Variants in KLHDC1 observed in about 807,000 individuals in gnomAD.
KLHDC1 encodes kelch domain-containing protein 1.
KLHDC1 carries 53 observed loss-of-function variants against 68.3 expected under a neutral mutation model. The ratio of observed to expected loss-of-function variants is 0.78; its 90% CI spans 0.62 to 0.98. The LOEUF is 0.98. Among genes scored for constraint, KLHDC1 ranks in the 50% least tolerant of loss-of-function variants. The pLI, the probability that KLHDC1 is intolerant of heterozygous loss-of-function variation, is 0.00. For missense variants in KLHDC1, 470 were observed against 492.3 expected (o/e 0.95, Z 0.43); for synonymous variants, 148 against 159.0 (o/e 0.93, Z 0.52).
chr14:49,739,693 G>T (rs1479147687), intron 10 of KLHDC1, among the ~76,000 whole-genome samples: 1 of 152,170 alleles, frequency 6.6e-6, no homozygotes, highest in Non-Finnish European at 1.5e-5. Context: ...TTATTTCACT[G>T]CAGGGATAAT....
chr14:49,732,663 AT>A (rs1888840573), intron 8 of KLHDC1, 40 bp from the exon 9 acceptor site: 2 of 1,021,202 alleles, frequency 2.0e-6, no homozygotes, highest in African/African-American at 3.3e-5. Context: ...TTTTATTTTG[AT>A]TAATATAGTA....
chr14:49,750,576 A>G (rs888776128), intron 12 of KLHDC1, among the ~76,000 whole-genome samples: 1 of 152,228 alleles, frequency 6.6e-6, no homozygotes, highest in African/African-American at 2.4e-5. Context: ...TCTAGAGTAT[A>G]AGTGCTTGTA....
chr14:49,752,536 T>G lies in KLHDC1; in HGVS notation c.*764T>G, dbSNP rs964341071. 2.6e-5 allele frequency: 4 copies of G among 152,540 alleles called. No individual in the cohort carries two copies. The highest frequency in any genetic ancestry group is 5.9e-5 in the Non-Finnish European group (4 of 67,950). The allele number at this position is 152,540 out of a possible 1,614,324, so 9.4% of individuals were successfully genotyped here. A position where few individuals can be genotyped will look rare whatever the true frequency, so the allele number is the denominator to read the frequency against. On this transcript the variant is annotated 3_prime_UTR_variant, in exon 13 of 13. Coordinates refer to ENST00000359332, the MANE Select transcript of KLHDC1 (RefSeq NM_172193.3). ...ATTAACTTTTTGAGACATATTAAAATACATTTTGCCTTAGAAGACTGCTTC... is the reference window on the plus strand; with the variant it reads ...ATTAACTTTTTGAGACATATTAAAAGACATTTTGCCTTAGAAGACTGCTTC...
At chr14:49,734,173 T>A (rs1594676727) in intron 9 of KLHDC1, among the ~76,000 whole-genome samples, 1 of 152,198 alleles carries the variant, frequency 6.6e-6, no homozygotes, top group Admixed American at 6.6e-5. Flanking sequence ...TGTTTCAGTC[T>A]AAGATTTGGT....
At chr14:49,725,580 A>G (rs1888649868) in intron 5 of KLHDC1, 106 bp from the exon 6 acceptor site, 6 of 684,628 alleles carry the variant, frequency 8.8e-6, no homozygotes, top group Non-Finnish European at 1.5e-5. Context: ...ACTTAACTCT[A>G]TTTTTGTAAG....
At chr14:49,738,989 G>C (rs906417261) in intron 10 of KLHDC1, among the ~76,000 whole-genome samples, 4 of 152,190 alleles carry the variant, frequency 2.6e-5, no homozygotes, top group African/African-American at 9.7e-5. Flanking sequence ...CATAATCTTA[G>C]TTAGCTAGTC....
In KLHDC1 at chr14:49,752,465, G is replaced by A. The variant is rs1889339305; in HGVS notation, c.*693G>A. 6.6e-6 allele frequency: 1 copy of A among 152,404 alleles called. No individual in the cohort carries two copies. Among genetic ancestry groups the A allele is most frequent in the Admixed American group, 6.6e-5 (1 of 15,254 alleles). 9.4% of individuals were successfully genotyped at this position (152,404 alleles called of 1,614,324 possible). ...ATGTTTTAAAGTACATAAAGTGGAGGTTTATTTATCATACAGGCTTTGAAA... is the reference window on the plus strand; with the variant it reads ...ATGTTTTAAAGTACATAAAGTGGAGATTTATTTATCATACAGGCTTTGAAA... On this transcript the variant is annotated 3_prime_UTR_variant, in exon 13 of 13. Transcript: ENST00000359332.
chr14:49,728,352 A>C (rs867489844), intron 6 of KLHDC1, among the ~76,000 whole-genome samples: 13 of 152,236 alleles, frequency 8.5e-5, no homozygotes, highest in African/African-American at 3.1e-4. Flanking sequence ...CTCTAAAGAA[A>C]AGGTCTGCTA....
intron 12 of KLHDC1, among the ~76,000 whole-genome samples, chr14:49,748,351 G>A (rs921080372): frequency 6.6e-6 from 1 of 152,126 alleles, no homozygotes; most frequent in Non-Finnish European, 1.5e-5. Context: ...GGAGATGAGG[G>A]AAAATGTGTA....
intron 4 of KLHDC1, among the ~76,000 whole-genome samples, chr14:49,713,099 G>A (rs1047769374): frequency 6.0e-4 from 91 of 151,480 alleles, no homozygotes; most frequent in African/African-American, 1.8e-3. Flanking sequence ...ACGGGCTCCC[G>A]CCACCACACC....
At chr14:49,748,721 G>GTA (rs906034643) in intron 12 of KLHDC1, among the ~76,000 whole-genome samples, 6 of 151,596 alleles carry the variant, frequency 4.0e-5, no homozygotes, top group East Asian at 1.9e-4. Flanking sequence ...ATCGTAGGGG[G>GTA]TATATATATA....
chr14:49,696,075 A>T (rs1468520450), intron 1 of KLHDC1, among the ~76,000 whole-genome samples: 1 of 151,894 alleles, frequency 6.6e-6, no homozygotes, highest in Non-Finnish European at 1.5e-5. Context: ...CAGAAAAAAA[A>T]AAAAAAAAAT....
intron 1 of KLHDC1, among the ~76,000 whole-genome samples, chr14:49,695,062 A>G (rs1887694669): frequency 6.6e-6 from 1 of 151,792 alleles, no homozygotes; most frequent in South Asian, 2.1e-4. Flanking sequence ...GAAGTTTGCC[A>G]CATTGAGCCT....
intron 1 of KLHDC1, among the ~76,000 whole-genome samples, chr14:49,706,242 T>C (rs1278811314): frequency 6.6e-6 from 1 of 152,176 alleles, no homozygotes; most frequent in Non-Finnish European, 1.5e-5. Flanking sequence ...ATGTTTGTCT[T>C]TTTGTGTCTG....
chr14:49,717,031 T>C (rs1222699820), intron 4 of KLHDC1, among the ~76,000 whole-genome samples: 1 of 152,244 alleles, frequency 6.6e-6, no homozygotes, highest in Admixed American at 6.5e-5. Flanking sequence ...AGGTGCATTA[T>C]GTTGTAGCAT....
chr14:49,693,179 GC>G lies in KLHDC1; in HGVS notation c.-14del. On this transcript the variant is annotated 5_prime_UTR_variant, in exon 1 of 13. Coordinates refer to ENST00000359332, the MANE Select transcript of KLHDC1 (RefSeq NM_172193.3). ...GGGGTTGTGGCGCGGCAAGCGGCGG[GC>G]CAGCGACGGCGCGAATGGCGGACTC... The G allele has an allele frequency of 6.3e-7, 1 of 1,575,342 alleles. No individual in the cohort carries two copies. The highest frequency in any genetic ancestry group is 1.8e-5 in the Admixed American group (1 of 56,548).
At chr14:49,693,811 C>A (rs1377749461) in intron 1 of KLHDC1, among the ~76,000 whole-genome samples, 2 of 127,960 alleles carry the variant, frequency 1.6e-5, no homozygotes, top group East Asian at 5.2e-4. Flanking sequence ...TGCAATGGAA[C>A]GATCTCAGCT....
chr14:49,709,587 A>G, intron 2 of KLHDC1, 122 bp from the exon 3 acceptor site: 1 of 521,326 alleles, frequency 1.9e-6, no homozygotes, highest in Non-Finnish European at 3.4e-6. Flanking sequence ...ATTGGCCACC[A>G]TTACATTGTA....
chr14:49,715,755 A>ATATATATATAT (rs1190003555), intron 4 of KLHDC1, among the ~76,000 whole-genome samples: 10 of 127,222 alleles, frequency 7.9e-5, no homozygotes, highest in African/African-American at 2.7e-4. Flanking sequence ...AAAAAAAAAA[A>ATATATATATAT]AAAAAAAAAA....
Sources: gnomAD v4.1 joint callset for allele counts (sites outside exome capture counted in the v4.1 genomes callset) on GRCh38, gnomAD v4.1.1 for gene constraint, MANE v1.5 for transcripts, NCBI Gene and HGNC (gene_info 2026-07-23, HGNC 2026-07-21) for gene names.